Variants in DRAXIN observed in about 807,000 individuals in gnomAD.
DRAXIN encodes dorsal inhibitory axon guidance protein.
DRAXIN carries 27 observed loss-of-function variants against 33.9 expected under a neutral mutation model. That is an observed-to-expected ratio of 0.80 (90% CI 0.59 to 1.10). DRAXIN has a LOEUF of 1.10. Ranked by LOEUF, DRAXIN falls within the 50% of genes least tolerant of loss-of-function variation. The probability of loss-of-function intolerance (pLI) is 0.00; values close to 1 mark genes in which losing one functional copy is unlikely to be tolerated. For synonymous variants in DRAXIN, 178 were observed against 194.0 expected (o/e 0.92, Z 0.69); for missense variants, 371 against 460.8 (o/e 0.81, Z 1.78).
intron 2 of DRAXIN, among the ~76,000 whole-genome samples, chr1:11,707,881 T>C (rs12134785): frequency 0.078 from 11,922 of 152,244 alleles, 485 homozygotes; most frequent in South Asian, 0.096. Flanking sequence ...GCCAGGGAAC[T>C]TGGCTTCTAA....
rs1570325742 is a variant in DRAXIN at position 11,724,050 on chromosome 1, GCT to G, written c.*4356_*4357del. 2 of 152,318 alleles carry G rather than the reference GCT, an allele frequency of 1.3e-5. No homozygotes were observed. The highest frequency in any genetic ancestry group is 3.9e-4 in the East Asian group (2 of 5,190). 9.4% of individuals were successfully genotyped at this position (152,318 alleles called of 1,614,324 possible). On this transcript the variant is annotated 3_prime_UTR_variant, in exon 7 of 7. Transcript: ENST00000294485. ...AGATCATTTCTAAGTCACCATTCAA[GCT>G]CCTTCCCCAAAGTGTGTTCCATAGA...
chr1:11,707,521 G>A (rs1414242541), intron 2 of DRAXIN, among the ~76,000 whole-genome samples: 4 of 152,188 alleles, frequency 2.6e-5, no homozygotes, highest in Non-Finnish European at 4.4e-5. Context: ...CCTCAGTGTC[G>A]TTGCAGAGAC....
Position 11,724,210 on chromosome 1 carries a change from G to A in DRAXIN, c.*4514G>A, listed in dbSNP as rs1641694034. 1 of 152,304 alleles carries A rather than the reference G, an allele frequency of 6.6e-6. No individual in the cohort carries two copies. The highest frequency in any genetic ancestry group is 1.5e-5 in the Non-Finnish European group (1 of 68,096). The allele number at this position is 152,304 out of a possible 1,614,324, so 9.4% of individuals were successfully genotyped here. A position where few individuals can be genotyped will look rare whatever the true frequency, so the allele number is the denominator to read the frequency against. On this transcript the variant is annotated 3_prime_UTR_variant, in exon 7 of 7. Transcript: ENST00000294485. ...TCCAGGCACCGAGGCAGGGCTGGAG[G>A]AGTAAGTGGCTTTGCAATAAAATGG...
At chr1:11,717,172 A>G (rs537943453) in intron 6 of DRAXIN, among the ~76,000 whole-genome samples, 1 of 151,860 alleles carries the variant, frequency 6.6e-6, no homozygotes, top group African/African-American at 2.4e-5. Flanking sequence ...AATTCCAGCT[A>G]CTCGGGAGCC....
At position 11,706,683 on chromosome 1, in the gene DRAXIN, G is replaced by T. The variant is rs367999965; in HGVS notation, c.425G>T (p.Arg142Leu). 12 of 1,590,910 alleles carry T rather than the reference G, an allele frequency of 7.5e-6. No individual in the cohort carries two copies. Among genetic ancestry groups the T allele is most frequent in the Non-Finnish European group, 9.4e-6 (11 of 1,174,984 alleles). Reference protein sequence around the residue: ...TRKRSREHKRRRDRLRLHQGR... With the variant: ...TRKRSREHKRLRDRLRLHQGR... ...AAACGCAGCAGGGAGCACAAGAGAC[G>T]CAGGGACAGGTTGAGGCTGCACCAA... Residue 142 changes from arginine to leucine, a missense_variant, in exon 2 of 7, where the codon CGC becomes CTC. Transcript: ENST00000294485. The surrounding 1 kb of genome is among the most constrained non-coding windows in gnomAD (Gnocchi z 5.5).
At chr1:11,689,911 T>C (rs890742579), upstream of DRAXIN, among the ~76,000 whole-genome samples, 1 of 151,858 alleles carries the variant, frequency 6.6e-6, no homozygotes. Context: ...CTGACTCTTC[T>C]CCACCAAACA....
chr1:11,708,269 C>T (rs1641421858), intron 2 of DRAXIN, among the ~76,000 whole-genome samples: 2 of 152,144 alleles, frequency 1.3e-5, no homozygotes, highest in African/African-American at 4.8e-5. Context: ...AGGTGGGGAA[C>T]GGAGAAGGTT....
Position 11,694,829 on chromosome 1 carries a change from G to A in DRAXIN, c.-11+2976G>A, listed in dbSNP as rs942693334. ...GAGGATGGCTGAATCCTTGCCAGTA[G>A]AGGCTCTGCCACCCCAGGTTCCAGC... is the stretch of plus-strand genomic sequence containing the variant. On this transcript the variant is annotated intron_variant, in intron 1 of 6. Coordinates refer to ENST00000294485, the MANE Select transcript of DRAXIN (RefSeq NM_198545.4). This position sits in a 1 kb window ranked among gnomAD's most constrained non-coding sequence, Gnocchi z 4.9. 6.6e-6 allele frequency among the ~76,000 whole-genome samples: 1 copy of A among 152,134 alleles called. No homozygotes were observed. Among genetic ancestry groups the A allele is most frequent in the African/African-American group, 2.4e-5 (1 of 41,400 alleles).
In DRAXIN at chr1:11,722,393, C is replaced by G. The variant is rs1190700698; in HGVS notation, c.*2697C>G. ...ATGCCCATAGAACTGCCACTGGTTG[C>G]CAGGGTAGTTCCATGGTTGGAAATT... is the stretch of plus-strand genomic sequence containing the variant. On this transcript the variant is annotated 3_prime_UTR_variant, in exon 7 of 7. Transcript: ENST00000294485. The G allele has an allele frequency of 1.3e-5, 2 of 152,194 alleles. No individual in the cohort carries two copies. 9.4% of individuals were successfully genotyped at this position (152,194 alleles called of 1,614,324 possible).
In DRAXIN at chr1:11,718,155, A is replaced by ATAC. The variant is rs1342330275; in HGVS notation, c.938-1429_938-1428insTAC. On this transcript the variant is annotated intron_variant, in intron 6 of 6. Transcript: ENST00000294485. ...CCCATCTCTGCTAAAAAAAAAAAAA[A>ATAC]AAAATACAAAATTAGCTGGGTGTGG... Among the ~76,000 whole-genome samples, 74 of 150,758 alleles carry ATAC rather than the reference A, an allele frequency of 4.9e-4. 1 individual carries two copies. The South Asian group carries it at 0.011, about 22-fold the overall frequency.
intron 1 of DRAXIN, among the ~76,000 whole-genome samples, chr1:11,699,679 C>T (rs1641241938): frequency 1.3e-5 from 2 of 152,098 alleles, no homozygotes; most frequent in East Asian, 1.9e-4. Flanking sequence ...GTAATCCCAG[C>T]ACTTTGGGAG....
intron 2 of DRAXIN, among the ~76,000 whole-genome samples, chr1:11,707,687 C>T (rs1051671502): frequency 1.3e-5 from 2 of 152,206 alleles, no homozygotes; most frequent in Non-Finnish European, 2.9e-5. Context: ...CCTGCCTCTG[C>T]CCTGTTTGTC....
intron 1 of DRAXIN, among the ~76,000 whole-genome samples, chr1:11,702,863 C>T (rs1641318886): frequency 6.6e-6 from 1 of 152,138 alleles, no homozygotes. Flanking sequence ...CTGCCTCAGC[C>T]TCCTGAGTAG....
chr1:11,704,966 C>CCCTGTG lies in DRAXIN; in HGVS notation c.-10-1283_-10-1282insCCTGTG, dbSNP rs1641355656. On this transcript the variant is annotated intron_variant, in intron 1 of 6. Transcript: ENST00000294485. The surrounding 1 kb of genome is among the most constrained non-coding windows in gnomAD (Gnocchi z 4.6). ...CTCCACGAGTGCGTGGTCAGAGCTTCGAGGGCACAGCAGTTTCCCTGCCCT... is the reference window on the plus strand; with the variant it reads ...CTCCACGAGTGCGTGGTCAGAGCTTCCCTGTGGAGGGCACAGCAGTTTCCCTGCCCT... Among the ~76,000 whole-genome samples the CCCTGTG allele has an allele frequency of 6.6e-6, 1 of 152,126 alleles. No homozygotes were observed. The highest frequency in any genetic ancestry group is 1.5e-5 in the Non-Finnish European group (1 of 68,000).
intron 1 of DRAXIN, among the ~76,000 whole-genome samples, chr1:11,693,269 T>A (rs1406815586): frequency 1.3e-5 from 2 of 151,980 alleles, no homozygotes; most frequent in Non-Finnish European, 2.9e-5. Context: ...TGATCACCCA[T>A]CAGAAGGCGT....
intron 3 of DRAXIN, 90 bp downstream of exon 3, chr1:11,709,555 C>A: frequency 1.4e-6 from 2 of 1,405,622 alleles, no homozygotes; most frequent in Non-Finnish European, 1.9e-6. Flanking sequence ...GAGACTGAGG[C>A]ACGGGGGCAG....
intron 1 of DRAXIN, among the ~76,000 whole-genome samples, chr1:11,702,744 A>ATTC (rs1641316319): frequency 8.7e-6 from 1 of 114,892 alleles, no homozygotes; most frequent in South Asian, 3.0e-4. Context: ...CGAGGTATGA[A>ATTC]TTCTTTTTTT....
At chr1:11,715,300 C>G in intron 6 of DRAXIN, 92 bp downstream of exon 6, 1 of 1,498,452 alleles carries the variant, frequency 6.7e-7, no homozygotes, top group African/African-American at 1.4e-5. Flanking sequence ...GAGTGGGGAA[C>G]AAGCTTTCCT....
upstream of DRAXIN, among the ~76,000 whole-genome samples, chr1:11,690,433 C>A (rs1337609223): frequency 6.6e-6 from 1 of 152,180 alleles, no homozygotes; most frequent in African/African-American, 2.4e-5. The surrounding 1 kb of genome is among the most constrained non-coding windows in gnomAD (Gnocchi z 4.2). Flanking sequence ...ACGTTATCTC[C>A]TTACACAGGG....
Sources: gnomAD v4.1 joint callset for allele counts (sites outside exome capture counted in the v4.1 genomes callset) on GRCh38, gnomAD v4.1.1 for gene constraint, Gnocchi (gnomAD v3.1) non-coding constraint, MANE v1.5 for transcripts, NCBI Gene and HGNC (gene_info 2026-07-23, HGNC 2026-07-21) for gene names.